WWOX: variants seen among roughly 807,000 people sequenced by gnomAD.
WWOX encodes the protein WW domain containing oxidoreductase, also known as WW domain-containing oxidoreductase.
Under a neutral mutation model 46.2 loss-of-function variants are expected in WWOX, and 69 were observed. The observed-to-expected ratio is 1.49, with a 90% CI of 1.23 to 1.82. The LOEUF is 1.82. Among genes scored for constraint, WWOX ranks in the 40% most tolerant of loss-of-function variants. WWOX has a pLI of 0.00. For synonymous variants in WWOX, 359 were observed against 202.6 expected (o/e 1.77, Z -6.56); for missense variants, 919 against 542.6 (o/e 1.69, Z -6.89).
intron 8 of WWOX, among the ~76,000 whole-genome samples, chr16:79,003,105 G>GGAAGTGGAAA: frequency 6.6e-6 from 1 of 152,138 alleles, no homozygotes; most frequent in Admixed American, 6.5e-5. Context: ...CCTCCTTCCA[G>GGAAGTGGAAA]AACCCTCTTT....
intron 8 of WWOX, 120 bp downstream of exon 8, chr16:78,432,872 G>A (rs1402155578): frequency 1.3e-6 from 2 of 1,501,628 alleles, no homozygotes; most frequent in African/African-American, 2.8e-5. Context: ...ACATTGTCCA[G>A]CCCATCATAA....
rs112363085 is a variant in WWOX at position 78,590,445 on chromosome 16, T to C, written c.1056+157693T>C. On this transcript the variant is annotated intron_variant, in intron 8 of 8. Coordinates refer to ENST00000566780, the MANE Select transcript of WWOX (RefSeq NM_016373.4). Reference sequence around the variant, plus strand: ...CGGGAAGAACCCTTCAACTCTAATATTATTTGAGCTGCTCACTGATAAATA... The same window carrying C: ...CGGGAAGAACCCTTCAACTCTAATACTATTTGAGCTGCTCACTGATAAATA... 7.8e-3 allele frequency among the ~76,000 whole-genome samples: 1,193 copies of C among 152,288 alleles called. 12 individuals are homozygous for C. The highest frequency in any genetic ancestry group is 0.026 in the African/African-American group (1,097 of 41,574).
intron 8 of WWOX, among the ~76,000 whole-genome samples, chr16:78,540,278 T>A (rs928245082): frequency 2.0e-5 from 3 of 152,098 alleles, no homozygotes. Flanking sequence ...CAGGTGCTTT[T>A]TATAGGTTAA....
intron 8 of WWOX, among the ~76,000 whole-genome samples, chr16:78,483,082 A>T (rs1005118254): frequency 6.6e-6 from 1 of 152,162 alleles, no homozygotes; most frequent in African/African-American, 2.4e-5. Context: ...GTTGGCTTCA[A>T]GGTTATGCCA....
Position 79,168,933 on chromosome 16 carries a change from T to C in WWOX, c.1057-42675T>C, listed in dbSNP as rs572668812. 2.0e-5 allele frequency among the ~76,000 whole-genome samples: 3 copies of C among 152,370 alleles called. No individual in the cohort carries two copies. In the South Asian group the frequency reaches 6.2e-4, roughly 32 times the overall value. On this transcript the variant is annotated intron_variant, in intron 8 of 8. Coordinates refer to ENST00000566780, the MANE Select transcript of WWOX (RefSeq NM_016373.4). Reference sequence around the variant, plus strand: ...TTTAGAAAGTTAAAGGTTTTCCTTATACAAACTATCTCACTTTGAAAACTG... The same window carrying C: ...TTTAGAAAGTTAAAGGTTTTCCTTACACAAACTATCTCACTTTGAAAACTG...
At position 78,099,769 on chromosome 16, in the gene WWOX, A is replaced by G. The variant is rs2031622530; in HGVS notation, c.-10A>G. ...GGCGATAGGGGGGCCAGGTGCCTCC[A>G]CAGTCAGCCATGGCAGCGCTGCGCT... On this transcript the variant is annotated 5_prime_UTR_variant, in exon 1 of 9. Transcript: ENST00000566780. 1.3e-6 allele frequency: 2 copies of G among 1,538,122 alleles called. No individual in the cohort carries two copies. The highest frequency in any genetic ancestry group is 1.2e-5 in the South Asian group (1 of 82,126).
intron 8 of WWOX, among the ~76,000 whole-genome samples, chr16:78,670,748 G>A (rs967101117): frequency 6.6e-6 from 1 of 152,076 alleles, no homozygotes; most frequent in Non-Finnish European, 1.5e-5. Context: ...TTGGGCTGAA[G>A]CAGTTCTCCT....
chr16:78,360,337 G>A (rs2081383087), intron 5 of WWOX, among the ~76,000 whole-genome samples: 1 of 152,118 alleles, frequency 6.6e-6, no homozygotes, highest in Non-Finnish European at 1.5e-5. Context: ...TGTAATCCCA[G>A]CACTTTGGGA....
intron 8 of WWOX, among the ~76,000 whole-genome samples, chr16:78,870,540 A>G (rs1234462102): frequency 1.3e-5 from 2 of 151,970 alleles, no homozygotes; most frequent in Non-Finnish European, 2.9e-5. Flanking sequence ...GATCTTTTAA[A>G]TATGTAATTC....
chr16:78,613,654 A>G (rs1326637694), intron 8 of WWOX, among the ~76,000 whole-genome samples: 1 of 152,156 alleles, frequency 6.6e-6, no homozygotes, highest in Non-Finnish European at 1.5e-5. Context: ...ATTGCTAGAG[A>G]TGGCTGCAGA....
intron 8 of WWOX, among the ~76,000 whole-genome samples, chr16:78,886,413 C>G (rs976129580): frequency 6.6e-6 from 1 of 151,728 alleles, no homozygotes; most frequent in Non-Finnish European, 1.5e-5. Context: ...TGAATGGTGG[C>G]TTCACAAAAG....
chr16:79,069,495 G>A (rs924989522), intron 8 of WWOX, among the ~76,000 whole-genome samples: 11 of 151,324 alleles, frequency 7.3e-5, no homozygotes, highest in African/African-American at 9.7e-5. Context: ...ACTAAGAACC[G>A]ACTTATTTAT....
chr16:78,788,115 A>G (rs568869339), intron 8 of WWOX, among the ~76,000 whole-genome samples: 3 of 152,216 alleles, frequency 2.0e-5, no homozygotes, highest in Admixed American at 2.0e-4. Context: ...CTCTTTTTAT[A>G]GTGTCTTTTG....
intron 8 of WWOX, among the ~76,000 whole-genome samples, chr16:79,041,578 A>G (rs75356863): frequency 0.11 from 16,709 of 152,092 alleles, 983 homozygotes; most frequent in African/African-American, 0.15. Flanking sequence ...CGGGTGAATA[A>G]GTCTGGTTGG....
At chr16:78,789,912 C>A (rs957342741) in intron 8 of WWOX, among the ~76,000 whole-genome samples, 2 of 152,150 alleles carry the variant, frequency 1.3e-5, no homozygotes, top group African/African-American at 4.8e-5. Flanking sequence ...AACTTAAACT[C>A]CAATTCTGCC....
chr16:78,911,146 C>T (rs932916288), intron 8 of WWOX, among the ~76,000 whole-genome samples: 29 of 152,052 alleles, frequency 1.9e-4, no homozygotes, highest in Non-Finnish European at 3.5e-4. Context: ...CTTCCTAGGC[C>T]CTTGTCAGAG....
chr16:78,310,423 A>G (rs556873065), intron 5 of WWOX, among the ~76,000 whole-genome samples: 9 of 152,150 alleles, frequency 5.9e-5, no homozygotes, highest in African/African-American at 2.2e-4. Context: ...TGCTGATTAT[A>G]CTCCTTGGGA....
chr16:78,464,753 C>T (rs1314023465), intron 8 of WWOX, among the ~76,000 whole-genome samples: 2 of 152,124 alleles, frequency 1.3e-5, no homozygotes, highest in Non-Finnish European at 2.9e-5. Context: ...CCCATTCAGT[C>T]TCCTTTTTGG....
At chr16:78,508,411 G>T (rs959008703) in intron 8 of WWOX, among the ~76,000 whole-genome samples, 11 of 147,476 alleles carry the variant, frequency 7.5e-5, no homozygotes, top group Non-Finnish European at 1.2e-4. Context: ...CTCCACTGTG[G>T]CCCAGGGAAG....
Sources: gnomAD v4.1 joint callset for allele counts (sites outside exome capture counted in the v4.1 genomes callset) on GRCh38, gnomAD v4.1.1 for gene constraint, MANE v1.5 for transcripts, NCBI Gene and HGNC (gene_info 2026-07-23, HGNC 2026-07-21) for gene names.